Variants in SH3RF2 observed in about 807,000 individuals in gnomAD.
SH3RF2 encodes the protein E3 ubiquitin-protein ligase SH3RF2.
Under a neutral mutation model 59.0 loss-of-function variants are expected in SH3RF2, and 43 were observed. The observed-to-expected ratio is 0.73, with a 90% CI of 0.57 to 0.94. The LOEUF is 0.94. SH3RF2 is among the 40% of genes least tolerant of loss of function. The pLI is 0.00. For synonymous variants in SH3RF2, 391 were observed against 391.5 expected, an observed-to-expected ratio of 1.00 and a Z score of 0.01; for missense variants, 930 against 940.1, an observed-to-expected ratio of 0.99 and a Z score of 0.14.
chr5:145,967,274 G>A (rs761081081), intron 2 of SH3RF2, among the ~76,000 whole-genome samples: 5 of 152,066 alleles, frequency 3.3e-5, no homozygotes, highest in Admixed American at 6.5e-5. Flanking sequence ...GATATCAAGC[G>A]ACTCCTCTAA....
At chr5:146,014,593 C>A (rs1015738736) in intron 5 of SH3RF2, among the ~76,000 whole-genome samples, 4 of 152,118 alleles carry the variant, frequency 2.6e-5, no homozygotes, top group African/African-American at 7.2e-5. Context: ...AATACAAGTC[C>A]TATGCTCAAA....
chr5:145,977,716 G>T (rs1759348031), intron 2 of SH3RF2, among the ~76,000 whole-genome samples: 1 of 152,160 alleles, frequency 6.6e-6, no homozygotes, highest in African/African-American at 2.4e-5. Context: ...TTGAACCCAG[G>T]ATTTGGCCCT....
chr5:145,955,441 T>C (rs1758357085), intron 2 of SH3RF2, among the ~76,000 whole-genome samples: 1 of 152,290 alleles, frequency 6.6e-6, no homozygotes, highest in African/African-American at 2.4e-5. Flanking sequence ...ATTGAAAAAC[T>C]ATCTATTGGG....
chr5:146,073,206 T>C (rs935914005), intron 9 of SH3RF2, among the ~76,000 whole-genome samples: 1 of 152,250 alleles, frequency 6.6e-6, no homozygotes, highest in African/African-American at 2.4e-5. Flanking sequence ...TATTTTAAAA[T>C]GCATTTTATG....
intron 5 of SH3RF2, among the ~76,000 whole-genome samples, chr5:146,037,043 C>A (rs1761959936): frequency 6.6e-6 from 1 of 152,208 alleles, no homozygotes; most frequent in African/African-American, 2.4e-5. Flanking sequence ...TCCAGTCCAA[C>A]TGAGGAAGTC....
intron 2 of SH3RF2, among the ~76,000 whole-genome samples, chr5:145,998,652 C>T (rs1760266122): frequency 2.0e-5 from 3 of 152,200 alleles, no homozygotes; most frequent in South Asian, 4.1e-4. Context: ...CATGGTGGCT[C>T]ACGCCTGTAA....
intron 8 of SH3RF2, 30 bp from the exon 9 acceptor site, chr5:146,059,836 T>A: frequency 1.4e-6 from 2 of 1,393,524 alleles, no homozygotes; most frequent in Non-Finnish European, 1.9e-6. Context: ...CCGCCCCTGC[T>A]GCTGATCTCT....
chr5:145,966,018 C>T (rs934194219), intron 2 of SH3RF2, among the ~76,000 whole-genome samples: 2 of 152,006 alleles, frequency 1.3e-5, no homozygotes, highest in South Asian at 2.1e-4. Flanking sequence ...TGTGCAGAAG[C>T]GGGAGGAGGG....
chr5:145,951,443 T>C (rs905726593), intron 2 of SH3RF2, among the ~76,000 whole-genome samples: 2 of 152,222 alleles, frequency 1.3e-5, no homozygotes, highest in African/African-American at 4.8e-5. Context: ...AACTACATAG[T>C]ACCAGCCACA....
chr5:146,046,909 A>C (rs1580914475), intron 5 of SH3RF2, among the ~76,000 whole-genome samples: 1 of 151,992 alleles, frequency 6.6e-6, no homozygotes, highest in Non-Finnish European at 1.5e-5. Flanking sequence ...AATGACAGGC[A>C]CCTGCCATCA....
chr5:146,016,969 C>G (rs186200588), intron 5 of SH3RF2, among the ~76,000 whole-genome samples: 1 of 152,226 alleles, frequency 6.6e-6, no homozygotes, highest in African/African-American at 2.4e-5. Context: ...GCCTCATTCT[C>G]CTCCTGTGGT....
At chr5:146,058,488 C>T (rs1314156649) in intron 8 of SH3RF2, among the ~76,000 whole-genome samples, 3 of 152,120 alleles carry the variant, frequency 2.0e-5, no homozygotes, top group African/African-American at 2.4e-5. Flanking sequence ...CTGAGGACAC[C>T]GACTGTGTTT....
intron 2 of SH3RF2, among the ~76,000 whole-genome samples, chr5:145,989,947 T>G (rs1160824593): frequency 6.6e-6 from 1 of 152,222 alleles, no homozygotes. Context: ...TCCTGCTGTT[T>G]CTGAATTTTG....
At chr5:145,959,615 A>ATGTGTG (rs35295719) in intron 2 of SH3RF2, among the ~76,000 whole-genome samples, 129 of 145,518 alleles carry the variant, frequency 8.9e-4, no homozygotes, top group Middle Eastern at 3.5e-3. Flanking sequence ...CTATATATAT[A>ATGTGTG]TGTGTGTGTG....
At chr5:146,024,131 T>C (rs987205114) in intron 5 of SH3RF2, among the ~76,000 whole-genome samples, 2 of 152,252 alleles carry the variant, frequency 1.3e-5, no homozygotes, top group Non-Finnish European at 2.9e-5. Context: ...GATCATATAG[T>C]AACTCTGTGT....
intron 5 of SH3RF2, among the ~76,000 whole-genome samples, chr5:146,015,955 C>G (rs1170010949): frequency 6.6e-6 from 1 of 152,184 alleles, no homozygotes; most frequent in African/African-American, 2.4e-5. Flanking sequence ...GAAAGTTGAA[C>G]AAATGGCAAG....
At chr5:146,049,663 G>A (rs1762424923) in intron 7 of SH3RF2, among the ~76,000 whole-genome samples, 1 of 151,964 alleles carries the variant, frequency 6.6e-6, no homozygotes, top group South Asian at 2.1e-4. Flanking sequence ...GACTTCCCCA[G>A]AGCACCTCGG....
intron 3 of SH3RF2, among the ~76,000 whole-genome samples, chr5:146,003,164 T>TA (rs1760496929): frequency 1.3e-5 from 2 of 152,188 alleles, no homozygotes; most frequent in Admixed American, 6.5e-5. Flanking sequence ...GGCATTAAAT[T>TA]AAAAAAATCA....
At chr5:146,061,441 C>A (rs899286019) in intron 9 of SH3RF2, among the ~76,000 whole-genome samples, 2 of 152,118 alleles carry the variant, frequency 1.3e-5, no homozygotes, top group Non-Finnish European at 2.9e-5. Flanking sequence ...CCCAGTTGCC[C>A]ATTACTCCAA....
Sources: gnomAD v4.1 joint callset for allele counts (sites outside exome capture counted in the v4.1 genomes callset) on GRCh38, gnomAD v4.1.1 for gene constraint, MANE v1.5 for transcripts, NCBI Gene and HGNC (gene_info 2026-07-23, HGNC 2026-07-21) for gene names.